Variants in AOPEP observed in about 807,000 individuals in gnomAD.
AOPEP encodes the protein aminopeptidase O (putative), also known as aminopeptidase O.
AOPEP carries 77 observed loss-of-function variants against 98.1 expected under a neutral mutation model. That is an observed-to-expected ratio of 0.78 (90% confidence interval 0.65 to 0.95). The LOEUF (loss-of-function observed/expected upper bound fraction) is 0.95. AOPEP is among the 40% of genes least tolerant of loss of function. AOPEP has a pLI of 0.00. For missense variants in AOPEP, 1,024 were observed against 1,024.7 expected (o/e 1.00, Z 0.01); for synonymous variants, 346 against 365.3 (o/e 0.95, Z 0.60).
At chr9:94,958,790 T>G (rs1395762957) in intron 9 of AOPEP, among the ~76,000 whole-genome samples, 1 of 152,222 alleles carries the variant, frequency 6.6e-6, no homozygotes, top group South Asian at 2.1e-4. Context: ...TTATCAGAGA[T>G]ATGATTTTCA....
intron 10 of AOPEP, among the ~76,000 whole-genome samples, chr9:94,977,489 G>T (rs1298784097): frequency 6.6e-6 from 1 of 152,082 alleles, no homozygotes; most frequent in Non-Finnish European, 1.5e-5. Context: ...TGCCCATTAA[G>T]GGAATCTCCA....
the AOPEP span, among the ~76,000 whole-genome samples, chr9:95,127,641 C>A: frequency 6.6e-6 from 1 of 152,212 alleles, no homozygotes. Context: ...GTGGATCAGG[C>A]GCTATTGGAA....
At chr9:95,135,320 T>C in the AOPEP span, 1 of 1,610,870 alleles carries the variant, frequency 6.2e-7, no homozygotes, top group Non-Finnish European at 8.5e-7. Context: ...CAAGGATTTT[T>C]CCCTTCATCA....
the AOPEP span, among the ~76,000 whole-genome samples, chr9:95,140,096 T>C: frequency 2.0e-5 from 3 of 151,960 alleles, no homozygotes; most frequent in African/African-American, 2.4e-5. Flanking sequence ...TACCTAATAA[T>C]TGGGAGAGTT....
intron 2 of AOPEP, among the ~76,000 whole-genome samples, chr9:94,770,598 C>T (rs1407713969): frequency 1.3e-5 from 2 of 152,170 alleles, no homozygotes; most frequent in South Asian, 2.1e-4. Context: ...CCTCCCTAGG[C>T]TGCCTGAGTG....
rs1169391109 is a variant in AOPEP, at chr9:95,082,578, A to G, written c.2323A>G (p.Met775Val). Residue 775 changes from methionine to valine, a missense_variant, in exon 16 of 17, where the codon ATG becomes GTG. Around this residue, in one of 3 missense-constraint regions of AOPEP, gnomAD observed 566 missense variants for 551.7 expected, o/e 1.03. Transcript: ENST00000375315. ...VERFLQEDQA[M>V]GVYLYGELMV... ...CTTTGGCCTCTGTGCCCTGCAGGCC[A>G]TGGGTGTGTACCTCTACGGGGAGCT... The G allele has an allele frequency of 1.9e-6, 3 of 1,614,132 alleles. No homozygotes were observed. Among genetic ancestry groups the G allele is most frequent in the Non-Finnish European group, 2.5e-6 (3 of 1,180,028 alleles).
At chr9:94,985,151 G>A (rs1017225696) in intron 11 of AOPEP, among the ~76,000 whole-genome samples, 1 of 152,274 alleles carries the variant, frequency 6.6e-6, no homozygotes, top group Non-Finnish European at 1.5e-5. Flanking sequence ...GCAGTGAGGA[G>A]GAGAGAGAAG....
intron 9 of AOPEP, among the ~76,000 whole-genome samples, chr9:94,965,361 A>G (rs1327470861): frequency 6.6e-6 from 1 of 152,228 alleles, no homozygotes; most frequent in Non-Finnish European, 1.5e-5. Flanking sequence ...AGGAGAACAG[A>G]CATTACAAGA....
chr9:94,940,165 C>T (rs1564417397), intron 7 of AOPEP, among the ~76,000 whole-genome samples: 1 of 152,298 alleles, frequency 6.6e-6, no homozygotes, highest in East Asian at 1.9e-4. Flanking sequence ...CTTTAGTCCC[C>T]TTAGCTGTAA....
chr9:94,972,894 G>A lies in AOPEP; in HGVS notation c.1916+5093G>A, dbSNP rs1053200716. On this transcript the variant is annotated intron_variant, in intron 10 of 16. Transcript: ENST00000375315. The surrounding 1 kb of genome is among the most constrained non-coding windows in gnomAD (Gnocchi z 4.2). ...TTTGAGGCTGCAATGAGCTGAGATT[G>A]CACCACTGCACGCCAGCCTGGGAGA... 6.6e-6 allele frequency among the ~76,000 whole-genome samples: 1 copy of A among 151,984 alleles called. No individual in the cohort carries two copies. The highest frequency in any genetic ancestry group is 2.4e-5 in the African/African-American group (1 of 41,354).
intron 1 of AOPEP, among the ~76,000 whole-genome samples, chr9:94,741,326 G>A (rs903945721): frequency 6.6e-6 from 1 of 151,680 alleles, no homozygotes; most frequent in Admixed American, 6.6e-5. Flanking sequence ...AGGCTGGAGT[G>A]CAGTGGTGCG....
At chr9:94,923,770 A>G (rs1226247369) in intron 5 of AOPEP, among the ~76,000 whole-genome samples, 2 of 152,158 alleles carry the variant, frequency 1.3e-5, no homozygotes, top group African/African-American at 2.4e-5. Flanking sequence ...TGATGGAGAA[A>G]ACTGGTTGGC....
the AOPEP span, chr9:95,150,181 A>G: frequency 7.5e-7 from 1 of 1,332,812 alleles, no homozygotes; most frequent in East Asian, 2.4e-5. Context: ...TCAAAGACAG[A>G]TCACCTGTTT....
intron 13 of AOPEP, among the ~76,000 whole-genome samples, chr9:95,014,605 T>C (rs900602439): frequency 6.6e-6 from 1 of 152,224 alleles, no homozygotes. Flanking sequence ...TAAATAACCT[T>C]TCCCTGATTC....
At chr9:94,822,011 A>ACACACG (rs1554726876) in intron 5 of AOPEP, among the ~76,000 whole-genome samples, 12 of 146,164 alleles carry the variant, frequency 8.2e-5, no homozygotes, top group East Asian at 2.0e-4. Flanking sequence ...ACACACACAC[A>ACACACG]CGCAGGCATT....
chr9:95,066,672 C>A (rs1364025694), intron 14 of AOPEP, among the ~76,000 whole-genome samples: 1 of 152,050 alleles, frequency 6.6e-6, no homozygotes, highest in Non-Finnish European at 1.5e-5. Flanking sequence ...GTGAGGGCCT[C>A]TGTGTTTGCT....
chr9:94,908,960 T>C (rs1271473666), intron 5 of AOPEP, among the ~76,000 whole-genome samples: 1 of 152,138 alleles, frequency 6.6e-6, no homozygotes, highest in Admixed American at 6.5e-5. Context: ...TGTTTTGAGG[T>C]GATTAGTCTT....
chr9:94,773,106 C>T lies in AOPEP; in HGVS notation c.902C>T (p.Ala301Val). Reference sequence around the variant, plus strand: ...ACATGGCAGGCTACAGTTCGAGCAGCTGCATCTTTTGTTGTTTTAATGAGT... The same window carrying T: ...ACATGGCAGGCTACAGTTCGAGCAGTTGCATCTTTTGTTGTTTTAATGAGT... ...MSTWQATVRA[A>V]ASFVVLMSGE... The change falls in exon 3 of 17, where the codon GCT becomes GTT. Residue 301 changes from alanine to valine, a missense_variant. Transcript: ENST00000375315. 1 of 1,614,096 alleles carries T rather than the reference C, an allele frequency of 6.2e-7. No homozygotes were observed. The highest frequency in any genetic ancestry group is 1.7e-5 in the Admixed American group (1 of 60,000).
chr9:94,764,360 G>A (rs1839084910), intron 2 of AOPEP, among the ~76,000 whole-genome samples: 1 of 152,168 alleles, frequency 6.6e-6, no homozygotes, highest in African/African-American at 2.4e-5. Context: ...GCAATGTGGT[G>A]TCCTGGCCGG....
Sources: allele counts gnomAD v4.1 joint callset (sites outside exome capture counted in the v4.1 genomes callset), GRCh38; gene constraint gnomAD v4.1.1; regional missense constraint gnomAD v4.1.1; non-coding constraint Gnocchi (gnomAD v3.1); transcripts MANE v1.5; gene names NCBI Gene and HGNC (gene_info 2026-07-23, HGNC 2026-07-21).